NTNG2: variants seen among roughly 807,000 people sequenced by gnomAD.
NTNG2 encodes the protein netrin G2, also known as netrin-G2.
Under a neutral mutation model 47.6 loss-of-function variants are expected in NTNG2, and 15 were observed. The observed-to-expected ratio is 0.32, with a 90% CI of 0.21 to 0.49. NTNG2 has a LOEUF of 0.49. Ranked by LOEUF, NTNG2 falls within the 20% of genes least tolerant of loss-of-function variation. NTNG2 has a pLI of 0.99. For missense variants in NTNG2, 578 were observed against 764.6 expected (o/e 0.76, Z 2.88); for synonymous variants, 307 against 324.6 (o/e 0.95, Z 0.58).
intron 4 of NTNG2, 50 bp from the exon 5 acceptor site, chr9:132,230,522 C>T (rs1303909340): frequency 6.4e-7 from 1 of 1,567,618 alleles, no homozygotes; most frequent in East Asian, 2.3e-5. Context: ...AGGTGACACC[C>T]AGGCCCCTTC....
Position 132,163,169 on chromosome 9 carries a change from T to C in NTNG2, c.-484+930T>C, listed in dbSNP as rs1017312147. 6.6e-6 allele frequency among the ~76,000 whole-genome samples: 1 copy of C among 152,138 alleles called. No individual in the cohort carries two copies. The highest frequency in any genetic ancestry group is 2.4e-5 in the African/African-American group (1 of 41,452). On this transcript the variant is annotated intron_variant, in intron 1 of 7. Coordinates refer to ENST00000393229, the MANE Select transcript of NTNG2 (RefSeq NM_032536.4). This position sits in a 1 kb window ranked among gnomAD's most constrained non-coding sequence, Gnocchi z 7.2. ...CTTAATTATTAATTGCTGCCGTGGC[T>C]TGCACGCAACTTTGGGAAGACGAAA... is the stretch of plus-strand genomic sequence containing the variant.
At chr9:132,224,595 A>G (rs1485524602) in intron 3 of NTNG2, among the ~76,000 whole-genome samples, 1 of 152,220 alleles carries the variant, frequency 6.6e-6, no homozygotes, top group Non-Finnish European at 1.5e-5. Context: ...CCCCTGCCAC[A>G]TAACAGGTGC....
rs551564370 is a variant in NTNG2 at position 132,194,780 on chromosome 9, G to A, written c.214-3186G>A. Among the ~76,000 whole-genome samples, 211 of 152,338 alleles carry A rather than the reference G, an allele frequency of 1.4e-3. 4 individuals are homozygous for A. Among genetic ancestry groups the A allele is most frequent in the Non-Finnish European group, 1.7e-3 (119 of 68,034 alleles). On this transcript the variant is annotated intron_variant, in intron 2 of 7. Coordinates refer to ENST00000393229, the MANE Select transcript of NTNG2 (RefSeq NM_032536.4). ...TTTGTGGAACCTGCCTCAATGAACCGAGGGTCAGCCCTGCCACCGAGGAGC... is the reference window on the plus strand; with the variant it reads ...TTTGTGGAACCTGCCTCAATGAACCAAGGGTCAGCCCTGCCACCGAGGAGC...
At chr9:132,195,061 C>G (rs1471478075) in intron 2 of NTNG2, among the ~76,000 whole-genome samples, 2 of 152,266 alleles carry the variant, frequency 1.3e-5, no homozygotes, top group Non-Finnish European at 2.9e-5. Flanking sequence ...GTCCGGAGCA[C>G]TGGGTGGTTG....
At position 132,240,935 on chromosome 9, in the gene NTNG2, C is replaced by T. The variant is rs770933895; in HGVS notation, c.1248C>T (p.Ser416=). The change falls in exon 7 of 8, where the codon TCC becomes TCT. Residue 416 remains serine (S), a synonymous_variant. Transcript: ENST00000393229. ...CIECNCNQIG[S]VHDRCNETGF... ...AGTGTAACTGCAACCAGATAGGCTCCGTGCACGACCGGTGCAACGAGACCG... is the reference window on the plus strand; with the variant it reads ...AGTGTAACTGCAACCAGATAGGCTCTGTGCACGACCGGTGCAACGAGACCG... 4 of 1,612,644 alleles carry T rather than the reference C, an allele frequency of 2.5e-6. No individual in the cohort carries two copies. The African/African-American group carries it at 5.3e-5, about 22-fold the overall frequency.
At chr9:132,220,708 A>G (rs1840295729) in intron 3 of NTNG2, among the ~76,000 whole-genome samples, 1 of 152,086 alleles carries the variant, frequency 6.6e-6, no homozygotes, top group Admixed American at 6.5e-5. Flanking sequence ...TCAGCCTCCG[A>G]AAGTGCTCAG....
At chr9:132,237,009 G>A (rs561164975) in intron 5 of NTNG2, among the ~76,000 whole-genome samples, 5 of 152,350 alleles carry the variant, frequency 3.3e-5, no homozygotes, top group East Asian at 3.9e-4. Context: ...GCGGTGGGGA[G>A]AGCAAGAGAC....
chr9:132,168,243 C>T (rs1235188971), intron 2 of NTNG2, among the ~76,000 whole-genome samples: 5 of 152,222 alleles, frequency 3.3e-5, no homozygotes, highest in African/African-American at 4.8e-5. Context: ...CTCCGGAGGC[C>T]GTCCCTGGCA....
At chr9:132,232,232 C>T (rs1002183280) in intron 5 of NTNG2, 1 of 152,594 alleles carries the variant, frequency 6.6e-6, no homozygotes, top group Admixed American at 6.5e-5. Flanking sequence ...CCCACCTGGC[C>T]CCCAGGGCCT....
chr9:132,224,456 A>G (rs1764448031), intron 3 of NTNG2, among the ~76,000 whole-genome samples: 1 of 152,022 alleles, frequency 6.6e-6, no homozygotes, highest in Non-Finnish European at 1.5e-5. Flanking sequence ...TGTGCCACCT[A>G]TTTATCCTCC....
chr9:132,194,297 C>A (rs1429648781), intron 2 of NTNG2, among the ~76,000 whole-genome samples: 1 of 152,176 alleles, frequency 6.6e-6, no homozygotes, highest in Non-Finnish European at 1.5e-5. Flanking sequence ...ACAGACAGAG[C>A]CCATTCTGCA....
In NTNG2 at chr9:132,208,807, G is replaced by A. The variant is rs905911465; in HGVS notation, c.857+10198G>A. On this transcript the variant is annotated intron_variant, in intron 3 of 7. Transcript: ENST00000393229. This position sits in a 1 kb window ranked among gnomAD's most constrained non-coding sequence, Gnocchi z 4.0. ...GGTACAATTCTAGGAATTTTAGCAC[G>A]TGGATAGAGTCATGCAACCACCACC... is the stretch of plus-strand genomic sequence containing the variant. Among the ~76,000 whole-genome samples the A allele has an allele frequency of 2.6e-5, 4 of 151,930 alleles. No homozygotes were observed. The highest frequency in any genetic ancestry group is 4.8e-5 in the African/African-American group (2 of 41,296).
rs1838419512 is a variant in NTNG2, at chr9:132,197,746, A to G, written c.214-220A>G. ...GTTGTCTGTATTTAGAGCAAGGACA[A>G]GTATGCATTTTTTCTTTGGAAGCCA... On this transcript the variant is annotated intron_variant, in intron 2 of 7. Transcript: ENST00000393229. This position sits in a 1 kb window ranked among gnomAD's most constrained non-coding sequence, Gnocchi z 4.3. Among the ~76,000 whole-genome samples, 1 of 152,166 alleles carries G rather than the reference A, an allele frequency of 6.6e-6. No homozygotes were observed. The highest frequency in any genetic ancestry group is 1.5e-5 in the Non-Finnish European group (1 of 68,030).
chr9:132,183,504 G>A (rs1369260073), intron 2 of NTNG2, among the ~76,000 whole-genome samples: 1 of 152,186 alleles, frequency 6.6e-6, no homozygotes, highest in African/African-American at 2.4e-5. Flanking sequence ...CCTGAGTCCA[G>A]ATGAAATCCC....
rs988983895 is a variant in NTNG2, at chr9:132,236,258, G to A, written c.1055-2846G>A. Among the ~76,000 whole-genome samples, 1 of 152,224 alleles carries A rather than the reference G, an allele frequency of 6.6e-6. No homozygotes were observed. The highest frequency in any genetic ancestry group is 1.5e-5 in the Non-Finnish European group (1 of 68,042). On this transcript the variant is annotated intron_variant, in intron 5 of 7. Transcript: ENST00000393229. The surrounding 1 kb of genome is among the most constrained non-coding windows in gnomAD (Gnocchi z 4.3). ...AAAGGCTTGGCAGTGGGATGGCAGG[G>A]AGCCTGACAAAGTGGAAAATGTGTG...
intron 2 of NTNG2, among the ~76,000 whole-genome samples, chr9:132,169,696 G>A (rs890253302): frequency 6.6e-6 from 1 of 152,246 alleles, no homozygotes; most frequent in African/African-American, 2.4e-5. Context: ...CCATAATGTA[G>A]GAGTGTCACG....
rs1354900869 is a variant in NTNG2 at position 132,241,859 on chromosome 9, GC to G, written c.1358-12del. 4 of 1,537,920 alleles carry G rather than the reference GC, an allele frequency of 2.6e-6. No homozygotes were observed. Among genetic ancestry groups the G allele is most frequent in the Non-Finnish European group, 1.7e-6 (2 of 1,145,742 alleles). On this transcript the variant is annotated splice_polypyrimidine_tract_variant and intron_variant, in intron 7 of 7. Coordinates refer to ENST00000393229, the MANE Select transcript of NTNG2 (RefSeq NM_032536.4). ...GACCGGGCCACCCCCCGTGCTGACC[GC>G]CCCCTCCGCCTGCAGCCAACGTGTG...
At chr9:132,178,384 G>C (rs1347746241) in intron 2 of NTNG2, among the ~76,000 whole-genome samples, 2 of 152,154 alleles carry the variant, frequency 1.3e-5, no homozygotes, top group African/African-American at 4.8e-5. Context: ...CCCACAGTCA[G>C]TGCTTGCATG....
intron 3 of NTNG2, among the ~76,000 whole-genome samples, chr9:132,220,285 T>C (rs903887509): frequency 4.6e-5 from 7 of 152,242 alleles, no homozygotes; most frequent in Admixed American, 1.3e-4. Context: ...TCTCCCATTC[T>C]GTGGGTTGTC....
Sources: gnomAD v4.1 joint callset for allele counts (sites outside exome capture counted in the v4.1 genomes callset) on GRCh38, gnomAD v4.1.1 for gene constraint, Gnocchi (gnomAD v3.1) non-coding constraint, MANE v1.5 for transcripts, NCBI Gene and HGNC (gene_info 2026-07-23, HGNC 2026-07-21) for gene names.